DPYD: variants seen among roughly 807,000 people sequenced by gnomAD.
DPYD encodes dihydropyrimidine dehydrogenase [NADP(+)].
DPYD carries 109 observed loss-of-function variants against 116.2 expected under a neutral mutation model. That is an observed-to-expected ratio of 0.94 (90% CI 0.80 to 1.10). DPYD has a LOEUF of 1.10. DPYD is among the 50% of genes least tolerant of loss of function. The pLI is 0.00. For missense variants in DPYD, 1,302 were observed against 1,254.5 expected (o/e 1.04, Z -0.57); for synonymous variants, 440 against 432.0 (o/e 1.02, Z -0.23).
intron 8 of DPYD, among the ~76,000 whole-genome samples, chr1:97,622,491 C>T (rs1480599335): frequency 6.6e-6 from 1 of 151,806 alleles, no homozygotes; most frequent in African/African-American, 2.4e-5. Flanking sequence ...AAGACATGGC[C>T]ACTAAATATA....
intron 12 of DPYD, 70 bp downstream of exon 12, chr1:97,549,490 G>T: frequency 6.7e-7 from 1 of 1,485,578 alleles, no homozygotes; most frequent in Non-Finnish European, 9.4e-7. Context: ...TCTTATAGAT[G>T]AGTATCAAAA....
chr1:97,243,571 A>C (rs1276612007), intron 18 of DPYD, among the ~76,000 whole-genome samples: 1 of 151,878 alleles, frequency 6.6e-6, no homozygotes, highest in African/African-American at 2.4e-5. Flanking sequence ...TCCTGATTTT[A>C]AGTGTCTGGA....
At chr1:97,362,924 A>G (rs1428024716) in intron 16 of DPYD, among the ~76,000 whole-genome samples, 1 of 152,224 alleles carries the variant, frequency 6.6e-6, no homozygotes, top group African/African-American at 2.4e-5. Flanking sequence ...CACCAAAAGC[A>G]ATGGCAACAG....
intron 15 of DPYD, among the ~76,000 whole-genome samples, chr1:97,374,765 G>A (rs113268154): frequency 0.072 from 10,595 of 147,118 alleles, 474 homozygotes; most frequent in African/African-American, 0.12. Flanking sequence ...TATAGTGGCC[G>A]GGTGCAGTGG....
At chr1:97,339,439 G>T (rs1457413191) in intron 16 of DPYD, among the ~76,000 whole-genome samples, 1 of 152,068 alleles carries the variant, frequency 6.6e-6, no homozygotes, top group Non-Finnish European at 1.5e-5. Flanking sequence ...ACAAAAAATA[G>T]TTTTCTTACA....
intron 3 of DPYD, among the ~76,000 whole-genome samples, chr1:97,768,449 A>G (rs943457584): frequency 2.6e-5 from 4 of 152,294 alleles, no homozygotes; most frequent in Admixed American, 6.5e-5. Context: ...AGAATTTCAC[A>G]CAAATCACTG....
chr1:97,307,565 C>T (rs935283922), intron 16 of DPYD, among the ~76,000 whole-genome samples: 3 of 151,750 alleles, frequency 2.0e-5, no homozygotes, highest in Non-Finnish European at 4.4e-5. Flanking sequence ...TGATTGTTAT[C>T]ATCTCTATTA....
intron 16 of DPYD, among the ~76,000 whole-genome samples, chr1:97,367,003 T>G (rs1671073828): frequency 6.6e-6 from 1 of 152,142 alleles, no homozygotes; most frequent in Non-Finnish European, 1.5e-5. Flanking sequence ...CACAGACATC[T>G]ATGGGGGTCT....
intron 20 of DPYD, among the ~76,000 whole-genome samples, chr1:97,146,477 C>T (rs1250652115): frequency 3.3e-5 from 5 of 152,188 alleles, no homozygotes; most frequent in Admixed American, 1.3e-4. Flanking sequence ...CCATACAATA[C>T]ATCCTGTTAT....
intron 11 of DPYD, among the ~76,000 whole-genome samples, chr1:97,569,614 T>C (rs1652759705): frequency 2.0e-5 from 3 of 151,888 alleles, no homozygotes; most frequent in Admixed American, 2.0e-4. Context: ...AAATCCCAAG[T>C]TAATGTGACG....
chr1:97,681,778 T>A (rs746905220), intron 7 of DPYD, among the ~76,000 whole-genome samples: 1 of 152,152 alleles, frequency 6.6e-6, no homozygotes, highest in African/African-American at 2.4e-5. Flanking sequence ...TACCAATATA[T>A]AATAAAGGTT....
At chr1:97,240,210 C>A (rs1159251696) in intron 18 of DPYD, among the ~76,000 whole-genome samples, 1 of 151,416 alleles carries the variant, frequency 6.6e-6, no homozygotes, top group East Asian at 1.9e-4. Flanking sequence ...GGAAAAAAAG[C>A]CTCAAAAGGC....
chr1:97,193,336 A>G (rs1423289574), intron 19 of DPYD, 88 bp from the exon 20 acceptor site: 1 of 1,350,754 alleles, frequency 7.4e-7, no homozygotes, highest in East Asian at 2.5e-5. Flanking sequence ...ACAAATATTT[A>G]TTTTATGTGC....
intron 6 of DPYD, among the ~76,000 whole-genome samples, chr1:97,693,225 A>G (rs1223918296): frequency 2.9e-5 from 4 of 136,638 alleles, no homozygotes; most frequent in Non-Finnish European, 4.6e-5. Context: ...CGGGAGGTGG[A>G]GCTTGCAGTG....
intron 19 of DPYD, among the ~76,000 whole-genome samples, chr1:97,226,668 G>A (rs577254529): frequency 2.0e-5 from 3 of 152,168 alleles, no homozygotes; most frequent in East Asian, 3.9e-4. Context: ...ATTTAACCAA[G>A]GAGGTGAAAG....
intron 18 of DPYD, among the ~76,000 whole-genome samples, chr1:97,305,003 C>T (rs1453599837): frequency 4.0e-5 from 6 of 151,830 alleles, no homozygotes; most frequent in Admixed American, 1.3e-4. Flanking sequence ...AACTGAGAGA[C>T]GATGAGAAAT....
chr1:97,330,162 A>T (rs1220314289), intron 16 of DPYD, among the ~76,000 whole-genome samples: 4 of 152,126 alleles, frequency 2.6e-5, no homozygotes, highest in Admixed American at 6.6e-5. Flanking sequence ...CACAATATAA[A>T]GTGAATCAAT....
chr1:97,785,909 G>A (rs1345160133), intron 3 of DPYD, among the ~76,000 whole-genome samples: 2 of 150,516 alleles, frequency 1.3e-5, no homozygotes, highest in South Asian at 2.1e-4. Context: ...TAGCCAGGAC[G>A]GTCTCGATCT....
At chr1:97,835,706 T>C (rs1304851177) in intron 2 of DPYD, among the ~76,000 whole-genome samples, 1 of 152,146 alleles carries the variant, frequency 6.6e-6, no homozygotes, top group Non-Finnish European at 1.5e-5. Context: ...ATGGTTTACA[T>C]GATAATCAAA....
Sources: gnomAD v4.1 joint callset for allele counts (sites outside exome capture counted in the v4.1 genomes callset) on GRCh38, gnomAD v4.1.1 for gene constraint, MANE v1.5 for transcripts, NCBI Gene and HGNC (gene_info 2026-07-23, HGNC 2026-07-21) for gene names.